The following MTFR1 variants were observed in gnomAD, a reference collection of about 807,000 sequenced individuals.
MTFR1 encodes the protein mitochondrial fission regulator 1, also known as chondrocyte protein with a poly-proline region.
Under a neutral mutation model 38.8 loss-of-function variants are expected in MTFR1, and 28 were observed. The observed-to-expected ratio is 0.72, with a 90% CI of 0.53 to 0.99. MTFR1 has a LOEUF of 0.99. Among genes scored for constraint, MTFR1 ranks in the 50% least tolerant of loss-of-function variants. MTFR1 has a pLI of 0.00. For missense variants in MTFR1, 358 were observed against 395.5 expected (o/e 0.91, Z 0.81); for synonymous variants, 145 against 137.0 (o/e 1.06, Z -0.41).
At chr8:65,720,294 A>G (rs749476424) in intron 3 of MTFR1, 6 of 153,988 alleles carry the variant, frequency 3.9e-5, no homozygotes, top group African/African-American at 7.2e-5. Flanking sequence ...CAATCAAATC[A>G]TATTATATAT....
chr8:65,695,680 AC>A (rs1478317230), intron 4 of MTFR1, among the ~76,000 whole-genome samples: 1 of 152,170 alleles, frequency 6.6e-6, no homozygotes, highest in Non-Finnish European at 1.5e-5. Context: ...ATATAGGAAA[AC>A]AGATTGTTTT....
chr8:65,751,977 C>T (rs989607273), intron 3 of MTFR1, among the ~76,000 whole-genome samples: 2 of 152,172 alleles, frequency 1.3e-5, no homozygotes, highest in African/African-American at 4.8e-5. Context: ...TTCTATCATA[C>T]AGATGAATCA....
rs1183551716 is a variant in MTFR1 at position 65,690,555 on chromosome 8, A to C, written c.166-3089A>C. Reference sequence around the variant, plus strand: ...AACAACAACAAAAAAGAAAAGTAGTACTTTGTTTTTTTGTTTTTCTTTTTT... The same window carrying C: ...AACAACAACAAAAAAGAAAAGTAGTCCTTTGTTTTTTTGTTTTTCTTTTTT... On this transcript the variant is annotated intron_variant, in intron 3 of 7. Coordinates refer to ENST00000262146, the MANE Select transcript of MTFR1 (RefSeq NM_014637.4). Among the ~76,000 whole-genome samples, 2 of 147,586 alleles carry C rather than the reference A, an allele frequency of 1.4e-5. 1 individual carries two copies. Among genetic ancestry groups the C allele is most frequent in the Non-Finnish European group, 3.0e-5 (2 of 67,596 alleles).
chr8:65,721,463 G>A (rs915418844), intron 3 of MTFR1, among the ~76,000 whole-genome samples: 6 of 152,110 alleles, frequency 3.9e-5, no homozygotes, highest in Non-Finnish European at 7.4e-5. Context: ...CATGAAGTGG[G>A]CAAACCATCT....
intron 3 of MTFR1, among the ~76,000 whole-genome samples, chr8:65,769,069 G>A (rs1470849500): frequency 1.3e-5 from 2 of 151,926 alleles, no homozygotes; most frequent in Non-Finnish European, 2.9e-5. Flanking sequence ...CCAACATGGT[G>A]AAACCCCGTC....
intron 3 of MTFR1, among the ~76,000 whole-genome samples, chr8:65,739,158 C>CT (rs1230353729): frequency 6.6e-6 from 1 of 152,204 alleles, no homozygotes; most frequent in African/African-American, 2.4e-5. Flanking sequence ...TAATGTAAAT[C>CT]TATTATGGTG....
intron 3 of MTFR1, among the ~76,000 whole-genome samples, chr8:65,759,548 A>C (rs1808396587): frequency 1.3e-5 from 2 of 152,214 alleles, no homozygotes; most frequent in Non-Finnish European, 2.9e-5. Context: ...TCTCCCTTCA[A>C]CAAGTACTCT....
At chr8:65,777,763 T>C in the MTFR1 span, among the ~76,000 whole-genome samples, 1 of 152,238 alleles carries the variant, frequency 6.6e-6, no homozygotes, top group Admixed American at 6.5e-5. Context: ...CATCTGTTTC[T>C]GGCAATCTCA....
At chr8:65,768,101 C>G (rs1808887014) in intron 3 of MTFR1, among the ~76,000 whole-genome samples, 1 of 152,150 alleles carries the variant, frequency 6.6e-6, no homozygotes, top group African/African-American at 2.4e-5. Flanking sequence ...GGGAGAAACC[C>G]CTCCACACAT....
chr8:65,736,244 C>A (rs1257697666), intron 3 of MTFR1, among the ~76,000 whole-genome samples: 1 of 152,128 alleles, frequency 6.6e-6, no homozygotes, highest in Non-Finnish European at 1.5e-5. Flanking sequence ...GATCTGATAA[C>A]CAACACGGTT....
At chr8:65,663,196 T>C (rs1487411528) in intron 1 of MTFR1, among the ~76,000 whole-genome samples, 4 of 152,316 alleles carry the variant, frequency 2.6e-5, no homozygotes, top group African/African-American at 7.2e-5. Context: ...AGAAAAATTC[T>C]TCTGCCTTGG....
At chr8:65,761,390 CTG>C (rs532402443) in intron 3 of MTFR1, among the ~76,000 whole-genome samples, 294 of 152,288 alleles carry the variant, frequency 1.9e-3, no homozygotes, top group Non-Finnish European at 3.5e-3. Context: ...CATGAGCTCA[CTG>C]TGACATGAGA....
rs1289833984 is a variant in MTFR1, at chr8:65,707,266, C to T, written c.764+10C>T. 1 of 1,604,116 alleles carries T rather than the reference C, an allele frequency of 6.2e-7. No individual in the cohort carries two copies. Among genetic ancestry groups the T allele is most frequent in the Middle Eastern group, 1.7e-4 (1 of 6,008 alleles). On this transcript the variant is annotated intron_variant, in intron 6 of 7. Coordinates refer to ENST00000262146, the MANE Select transcript of MTFR1 (RefSeq NM_014637.4). ...TTCGGTCAGTGAAGAGGTGAGGATA[C>T]ATTCACCTTCTTTCTTCCCCATTTG...
At chr8:65,661,025 A>G (rs1047215036) in intron 1 of MTFR1, among the ~76,000 whole-genome samples, 24 of 152,224 alleles carry the variant, frequency 1.6e-4, no homozygotes, top group African/African-American at 5.8e-4. Flanking sequence ...AGGCAAAACT[A>G]TGGAGACAAT....
chr8:65,774,677 T>C (rs1809206649), downstream of MTFR1, among the ~76,000 whole-genome samples: 1 of 151,690 alleles, frequency 6.6e-6, no homozygotes, highest in African/African-American at 2.4e-5. Context: ...CAAAATTTAT[T>C]TGAAAATATC....
At chr8:65,757,898 T>G (rs1399859754) in intron 3 of MTFR1, among the ~76,000 whole-genome samples, 1 of 152,212 alleles carries the variant, frequency 6.6e-6, no homozygotes, top group Non-Finnish European at 1.5e-5. Flanking sequence ...ATTACAGGTG[T>G]GAGCCACCAC....
At chr8:65,724,231 T>C (rs1346707134) in intron 3 of MTFR1, 1 of 1,438,540 alleles carries the variant, frequency 7.0e-7, no homozygotes, top group Non-Finnish European at 9.8e-7. Context: ...GATAGATTAA[T>C]TATCACTCAA....
intron 3 of MTFR1, among the ~76,000 whole-genome samples, chr8:65,691,899 T>G (rs1438183129): frequency 6.6e-6 from 1 of 152,232 alleles, no homozygotes; most frequent in Non-Finnish European, 1.5e-5. Context: ...ACTGATATGT[T>G]TAAAGTTTTA....
At chr8:65,670,786 C>T (rs1433666795) in intron 2 of MTFR1, among the ~76,000 whole-genome samples, 1 of 151,122 alleles carries the variant, frequency 6.6e-6, no homozygotes, top group African/African-American at 2.4e-5. Flanking sequence ...CTCACTGCAA[C>T]CTCTGCCTCC....
Sources: gnomAD v4.1 joint callset for allele counts (sites outside exome capture counted in the v4.1 genomes callset) on GRCh38, gnomAD v4.1.1 for gene constraint, MANE v1.5 for transcripts, NCBI Gene and HGNC (gene_info 2026-07-23, HGNC 2026-07-21) for gene names.